The following TELO2 variants were observed in gnomAD, a reference collection of about 807,000 sequenced individuals.
The protein encoded by TELO2 is telomere maintenance 2, also known as telomere length regulation protein TEL2 homolog.
TELO2 carries 71 observed loss-of-function variants against 91.0 expected under a neutral mutation model. That is an observed-to-expected ratio of 0.78 (90% CI 0.64 to 0.95). The LOEUF is 0.95. Ranked by LOEUF, TELO2 falls within the 40% of genes least tolerant of loss-of-function variation. The pLI, the probability that TELO2 is intolerant of heterozygous loss-of-function variation, is 0.00. For missense variants in TELO2, 1,183 were observed against 1,141.3 expected (o/e 1.04, Z -0.53); for synonymous variants, 584 against 518.9 (o/e 1.13, Z -1.71).
chr16:1,497,502 C>T lies in TELO2; in HGVS notation c.824C>T (p.Ala275Val), dbSNP rs1288234691. 1 of 1,564,120 alleles carries T rather than the reference C, an allele frequency of 6.4e-7. No homozygotes were observed. The highest frequency in any genetic ancestry group is 8.6e-7 in the Non-Finnish European group (1 of 1,158,496). The stretch of plus-strand genomic sequence containing the variant: ...GTGCTGACCGGGCTGGTGGAGGCCG[C>T]ACTGGGGTAAGCAGCCAGGCTGTCC... ...EAVLTGLVEA[A>V]LGPEVLSRLL... is the part of the protein sequence containing the mutation. Residue 275 changes from alanine to valine, a missense_variant, in exon 5 of 21, where the codon GCA becomes GTA. Coordinates refer to ENST00000262319, the MANE Select transcript of TELO2 (RefSeq NM_016111.4). The surrounding 1 kb of genome is among the most constrained non-coding windows in gnomAD (Gnocchi z 4.0).
chr16:1,499,405 C>G, intron 6 of TELO2, 72 bp downstream of exon 6: 1 of 1,537,300 alleles, frequency 6.5e-7, no homozygotes, highest in South Asian at 1.1e-5. Flanking sequence ...AACATGGGGT[C>G]GGAGCGGTGT....
At chr16:1,509,195 C>A (rs1240844112) in intron 20 of TELO2, among the ~76,000 whole-genome samples, 3 of 152,188 alleles carry the variant, frequency 2.0e-5, no homozygotes, top group African/African-American at 2.4e-5. Flanking sequence ...GGGCCCTGTC[C>A]CTCAGCCGAT....
At chr16:1,499,553 A>G (rs926111071) in intron 6 of TELO2, among the ~76,000 whole-genome samples, 7 of 117,390 alleles carry the variant, frequency 6.0e-5, no homozygotes, top group African/African-American at 2.3e-4. Context: ...AATCTTCTAG[A>G]CTCCCGAGAA....
At chr16:1,498,974 G>A (rs2039584334) in intron 5 of TELO2, among the ~76,000 whole-genome samples, 1 of 151,824 alleles carries the variant, frequency 6.6e-6, no homozygotes, top group Admixed American at 6.6e-5. Flanking sequence ...CTGAGGTGCA[G>A]GGAAGGAGGC....
intron 9 of TELO2, 34 bp downstream of exon 9, chr16:1,500,733 G>T (rs762335407): frequency 2.7e-5 from 44 of 1,605,836 alleles, no homozygotes; most frequent in Non-Finnish European, 3.4e-5. Context: ...TCCCCGTGTG[G>T]CTGGCCCGGG....
In TELO2 at chr16:1,500,579, G is replaced by C. The variant is rs1489308672; in HGVS notation, c.1161G>C (p.Met387Ile). 2 of 1,611,984 alleles carry C rather than the reference G, an allele frequency of 1.2e-6. No homozygotes were observed. Among genetic ancestry groups the C allele is most frequent in the Middle Eastern group, 1.7e-4 (1 of 6,056 alleles). Residue 387 changes from methionine (M) to isoleucine (I), a missense_variant, in exon 9 of 21, where the codon ATG (methionine) becomes ATC (isoleucine). Transcript: ENST00000262319. ...RDSRDELLAS[M>I]MAGVKCRLDS... ...TGCTTGCAGAACTGCTGGCCAGCAT[G>C]ATGGCGGGCGTGAAGTGCCGCCTGG... is the stretch of plus-strand genomic sequence containing the variant.
rs2039681133 is a variant in TELO2, at chr16:1,501,579, A to G, written c.1361+80A>G. The G allele has an allele frequency of 3.8e-6, 6 of 1,564,084 alleles. No homozygotes were observed. In the South Asian group the frequency reaches 7.0e-5, roughly 18 times the overall value. On this transcript the variant is annotated intron_variant, in intron 10 of 20. Transcript: ENST00000262319. ...TTCCGCTGCCGGGATGGGAGGGGGG[A>G]AACCCTTTCTTTCTGTCCTGTGAGT...
In TELO2 at chr16:1,500,169, G is replaced by A. The variant is rs369447841; in HGVS notation, c.1002+5G>A. The A allele has an allele frequency of 2.3e-5, 37 of 1,600,454 alleles. No individual in the cohort carries two copies. The highest frequency in any genetic ancestry group is 8.0e-5 in the African/African-American group (6 of 74,908). ...CGGCGCCCGCTCCTGCTGCAGGTAC[G>A]TGCCTCCTGGCTCTCCGTCCCTGCG... is the stretch of plus-strand genomic sequence containing the variant. On this transcript the variant is annotated splice_donor_5th_base_variant and intron_variant, in intron 7 of 20. Coordinates refer to ENST00000262319, the MANE Select transcript of TELO2 (RefSeq NM_016111.4).
intron 11 of TELO2, 118 bp from the exon 12 acceptor site, chr16:1,501,929 G>A: frequency 1.3e-6 from 2 of 1,494,708 alleles, no homozygotes; most frequent in Non-Finnish European, 1.9e-6. Flanking sequence ...CTCCACCGTA[G>A]GCGCAGGGGC....
chr16:1,495,562 C>T lies in TELO2; in HGVS notation c.552C>T (p.Tyr184=). Residue 184 remains tyrosine (Y), a synonymous_variant, in exon 3 of 21, where the codon TAC becomes TAT. Coordinates refer to ENST00000262319, the MANE Select transcript of TELO2 (RefSeq NM_016111.4). ...TGGCCGAGTTCTTCCCCCAGAACTA[C>T]TTCCGCCTGCTCGGCGAGGAGGTCG... is the stretch of plus-strand genomic sequence containing the variant. ...ENLAEFFPQN[Y]FRLLGEEVVR... 6.2e-7 allele frequency: 1 copy of T among 1,610,988 alleles called. No individual in the cohort carries two copies. The highest frequency in any genetic ancestry group is 8.5e-7 in the Non-Finnish European group (1 of 1,178,918).
Position 1,510,008 on chromosome 16 carries a change from A to G in TELO2, c.*72A>G. On this transcript the variant is annotated 3_prime_UTR_variant, in exon 21 of 21. Transcript: ENST00000262319. ...CGGCTGAGCAGCGGCCTGGAGCAGC[A>G]GAGCCAGGCTTTGTAGCGAGGCCAG... 7 of 1,374,414 alleles carry G rather than the reference A, an allele frequency of 5.1e-6. No homozygotes were observed. The highest frequency in any genetic ancestry group is 7.0e-6 in the Non-Finnish European group (7 of 995,600). The allele number at this position is 1,374,414 out of a possible 1,614,324, so 85.1% of individuals were successfully genotyped here.
intron 11 of TELO2, 30 bp downstream of exon 11, chr16:1,501,803 G>A (rs62012848): frequency 4.1e-5 from 65 of 1,593,336 alleles, no homozygotes; most frequent in East Asian, 2.0e-4. Flanking sequence ...AGTGGGCAGC[G>A]TGCAGGAGGC....
Position 1,495,438 on chromosome 16 carries a change from A to G in TELO2, c.428A>G (p.Gln143Arg), listed in dbSNP as rs2039448012. The G allele has an allele frequency of 1.2e-6, 2 of 1,602,662 alleles. No homozygotes were observed. Among genetic ancestry groups the G allele is most frequent in the East Asian group, 2.3e-5 (1 of 44,200 alleles). ...GTGCTGATGGAGGCGCAGTGTCGGC[A>G]GCAGACGCAGCCCGGCTTCATCCTG... ...LAVLMEAQCR[Q>R]QTQPGFILLR... Residue 143 changes from glutamine to arginine, a missense_variant, in exon 3 of 21, where the codon CAG (glutamine) becomes CGG (arginine). Transcript: ENST00000262319.
rs768569290 is a variant in TELO2 at position 1,505,436 on chromosome 16, G to A, written c.1869G>A (p.Leu623=). 6.8e-6 allele frequency: 11 copies of A among 1,613,038 alleles called. No homozygotes were observed. The highest frequency in any genetic ancestry group is 6.7e-5 in the East Asian group (3 of 44,876). ...LDVLTLAAQE[L]SRPGCLGRTP... is the part of the protein sequence containing the mutation. Reference sequence around the variant, plus strand: ...TGCTGACTCTGGCTGCCCAGGAGCTGTCTAGGCCTGGGTGCCTCGGGAGGA... The same window carrying A: ...TGCTGACTCTGGCTGCCCAGGAGCTATCTAGGCCTGGGTGCCTCGGGAGGA... Residue 623 remains leucine, a synonymous_variant, in exon 16 of 21, where the codon CTG becomes CTA. Transcript: ENST00000262319. This position sits in a 1 kb window ranked among gnomAD's most constrained non-coding sequence, Gnocchi z 4.3.
At chr16:1,509,670 C>T (rs1050091714) in intron 20 of TELO2, among the ~76,000 whole-genome samples, 160 bp from the exon 21 acceptor site, 6 of 152,240 alleles carry the variant, frequency 3.9e-5, no homozygotes, top group Non-Finnish European at 7.3e-5. Context: ...GCATGCAGGC[C>T]CCAAGGCCGT....
chr16:1,506,258 G>A lies in TELO2; in HGVS notation c.2055G>A (p.Pro685=), dbSNP rs138879950. The part of the protein sequence containing the change: ...RLSKGGPRQG[P]AGSPSRFNSV... ...GGCAGGGTGGCCCGAGGCAGGGCCCGGCAGGCAGCCCCAGCAGATTCAACT... is the reference window on the plus strand; with the variant it reads ...GGCAGGGTGGCCCGAGGCAGGGCCCAGCAGGCAGCCCCAGCAGATTCAACT... Residue 685 remains proline (P), a synonymous_variant, in exon 17 of 21, where the codon CCG becomes CCA. Transcript: ENST00000262319. 179 of 1,613,560 alleles carry A rather than the reference G, an allele frequency of 1.1e-4. 1 individual carries two copies. The highest frequency in any genetic ancestry group is 1.6e-4 in the African/African-American group (12 of 74,922).
rs147404164 is a variant in TELO2, at chr16:1,507,009, G to A, written c.2184G>A (p.Ala728=). ...GEDQLVLGRL[A]HTLGALMCLA... ...ACCAGCTGGTTCTCGGAAGGCTGGC[G>A]CACACCTTAGGGGCCCTGATGTGCC... is the stretch of plus-strand genomic sequence containing the variant. The change falls in exon 18 of 21, where the codon GCG becomes GCA. Residue 728 remains alanine (A), a synonymous_variant. Coordinates refer to ENST00000262319, the MANE Select transcript of TELO2 (RefSeq NM_016111.4). 3.0e-4 allele frequency: 476 copies of A among 1,611,824 alleles called. 4 individuals carry two copies. The East Asian group carries it at 7.9e-3, about 27-fold the overall frequency.
At chr16:1,500,188 C>T in intron 7 of TELO2, 24 bp downstream of exon 7, 2 of 1,583,946 alleles carry the variant, frequency 1.3e-6, no homozygotes, top group Non-Finnish European at 1.7e-6. Flanking sequence ...GGCTCTCCGT[C>T]CCTGCGAGGC....
intron 5 of TELO2, among the ~76,000 whole-genome samples, chr16:1,498,857 CCTACAGG>C (rs1477898630): frequency 6.6e-6 from 1 of 152,210 alleles, no homozygotes; most frequent in African/African-American, 2.4e-5. Flanking sequence ...GGACCAGGGG[CCTACAGG>C]CTACTTGGAC....
Sources: allele counts gnomAD v4.1 joint callset (sites outside exome capture counted in the v4.1 genomes callset), GRCh38; gene constraint gnomAD v4.1.1; non-coding constraint Gnocchi (gnomAD v3.1); transcripts MANE v1.5; gene names NCBI Gene and HGNC (gene_info 2026-07-23, HGNC 2026-07-21).